Variants in THSD7A observed in about 807,000 individuals in gnomAD.
The protein encoded by THSD7A is thrombospondin type-1 domain-containing protein 7A.
A neutral mutation model predicts 231.3 loss-of-function variants in THSD7A; 96 were observed. The ratio of observed to expected loss-of-function variants is 0.41; its 90% confidence interval spans 0.35 to 0.49. The LOEUF is 0.49. THSD7A is among the 20% of genes least tolerant of loss of function. THSD7A has a pLI of 0.05. For missense variants in THSD7A, 2,290 were observed against 2,070.2 expected (o/e 1.11, Z -2.06); for synonymous variants, 940 against 743.3 (o/e 1.26, Z -4.30).
intron 1 of THSD7A, among the ~76,000 whole-genome samples, chr7:11,740,132 A>G (rs1309578089): frequency 2.0e-5 from 3 of 151,940 alleles, no homozygotes; most frequent in African/African-American, 4.8e-5. Context: ...CAGGGACACT[A>G]GTAAGATCCC....
At position 11,831,861 on chromosome 7, in the gene THSD7A, G is replaced by A. The variant is rs1050662427; in HGVS notation, c.86C>T (p.Pro29Leu). 1.6e-6 allele frequency: 2 copies of A among 1,270,548 alleles called. No homozygotes were observed. Among genetic ancestry groups the A allele is most frequent in the South Asian group, 2.8e-5 (1 of 35,638 alleles). 78.7% of individuals were successfully genotyped at this position (1,270,548 alleles called of 1,614,324 possible). Residue 29 changes from proline to leucine, a missense_variant, in exon 1 of 28, where the codon CCG (proline) becomes CTG (leucine). Coordinates refer to ENST00000423059, the MANE Select transcript of THSD7A (RefSeq NM_015204.3). The surrounding 1 kb of genome is among the most constrained non-coding windows in gnomAD (Gnocchi z 5.0). ...RRGVLQLLPL[P>L]LPLPLLLLLL... ...CAGCAGGAGCAGCGGCAGCGGCAGC[G>A]GCAGCGGCAGCAGCTGCAGGACGCC...
At chr7:11,804,816 G>C (rs921198191) in intron 1 of THSD7A, among the ~76,000 whole-genome samples, 8 of 152,070 alleles carry the variant, frequency 5.3e-5, no homozygotes, top group Admixed American at 3.3e-4. Context: ...CCTCACATCT[G>C]CGGCCTCTCG....
chr7:11,723,120 T>C (rs1415006640), intron 1 of THSD7A, among the ~76,000 whole-genome samples: 1 of 151,978 alleles, frequency 6.6e-6, no homozygotes, highest in Non-Finnish European at 1.5e-5. Context: ...ATGTGGCACA[T>C]ATACACCATG....
At chr7:11,424,869 G>T in intron 15 of THSD7A, 40 bp from the exon 16 acceptor site, 1 of 1,611,940 alleles carries the variant, frequency 6.2e-7, no homozygotes, top group Non-Finnish European at 8.5e-7. Context: ...AGGGAATCTG[G>T]TAAGAGTGAG....
chr7:11,441,111 T>C lies in THSD7A; in HGVS notation c.3064+4950A>G, dbSNP rs1009956237. Among the ~76,000 whole-genome samples the C allele has an allele frequency of 2.6e-5, 4 of 152,082 alleles. No individual in the cohort carries two copies. In the South Asian group the frequency reaches 8.3e-4, roughly 32 times the overall value. On this transcript the variant is annotated intron_variant, in intron 13 of 27. Transcript: ENST00000423059. ...CTCTCCAGCTTTTTATTCATCCATT[T>C]ATTCTACAAATTTTGTGGAACACCT...
intron 22 of THSD7A, among the ~76,000 whole-genome samples, chr7:11,405,407 A>C (rs1783549812): frequency 6.6e-6 from 1 of 152,162 alleles, no homozygotes; most frequent in Non-Finnish European, 1.5e-5. Context: ...AAAGAGATGC[A>C]ATCTTTAAAT....
At position 11,509,715 on chromosome 7, in the gene THSD7A, G is replaced by A. The variant is rs949245025; in HGVS notation, c.1823-27733C>T. Among the ~76,000 whole-genome samples, 18 of 149,828 alleles carry A rather than the reference G, an allele frequency of 1.2e-4. No individual in the cohort carries two copies. The Middle Eastern group carries it at 0.014, about 116-fold the overall frequency. On this transcript the variant is annotated intron_variant, in intron 6 of 27. Transcript: ENST00000423059. ...CGGGTGCCTGTAGTCCCAGCTACTC[G>A]GGAGGCTGAGGCAGGAGAATGGCAT...
chr7:11,437,394 C>G (rs76571001), intron 13 of THSD7A, among the ~76,000 whole-genome samples: 47 of 152,142 alleles, frequency 3.1e-4, no homozygotes, highest in African/African-American at 9.6e-4. Flanking sequence ...TCTTTGTGCC[C>G]AAGTATCCTT....
intron 10 of THSD7A, 107 bp from the exon 11 acceptor site, chr7:11,460,872 T>C (rs912191723): frequency 7.7e-6 from 6 of 778,368 alleles, no homozygotes; most frequent in East Asian, 5.4e-5. Flanking sequence ...AACACAGTTA[T>C]TTAGCAATGC....
intron 1 of THSD7A, among the ~76,000 whole-genome samples, chr7:11,789,763 T>G (rs1463131179): frequency 6.6e-6 from 1 of 152,022 alleles, no homozygotes; most frequent in Non-Finnish European, 1.5e-5. Context: ...AATACCTTTT[T>G]TGTTTTAGAG....
chr7:11,486,453 T>C (rs1786661995), intron 6 of THSD7A, among the ~76,000 whole-genome samples: 1 of 152,180 alleles, frequency 6.6e-6, no homozygotes, highest in African/African-American at 2.4e-5. Flanking sequence ...TTAGGACATA[T>C]TCATCCACCA....
At chr7:11,749,004 G>T (rs1231035487) in intron 1 of THSD7A, among the ~76,000 whole-genome samples, 3 of 151,874 alleles carry the variant, frequency 2.0e-5, no homozygotes, top group Non-Finnish European at 4.4e-5. Flanking sequence ...CTGAGAGAGT[G>T]TCACCCCAAG....
At chr7:11,766,803 C>A (rs948721671) in intron 1 of THSD7A, among the ~76,000 whole-genome samples, 3 of 152,086 alleles carry the variant, frequency 2.0e-5, no homozygotes, top group Admixed American at 2.0e-4. Flanking sequence ...TTAGCCAATG[C>A]AACGAGTGGG....
intron 1 of THSD7A, among the ~76,000 whole-genome samples, chr7:11,759,619 C>A (rs761581458): frequency 2.6e-5 from 4 of 151,812 alleles, no homozygotes; most frequent in Non-Finnish European, 5.9e-5. Context: ...GAAAGCCAAG[C>A]GAATTTCTAG....
intron 1 of THSD7A, among the ~76,000 whole-genome samples, chr7:11,743,011 C>G (rs77408417): frequency 3.3e-5 from 5 of 151,862 alleles, no homozygotes; most frequent in South Asian, 2.1e-4. Context: ...TTGAAGAAAT[C>G]TGCTACTACA....
chr7:11,696,942 T>C (rs182510206), intron 1 of THSD7A, among the ~76,000 whole-genome samples: 129 of 151,532 alleles, frequency 8.5e-4, no homozygotes, highest in Non-Finnish European at 1.6e-3. Flanking sequence ...TAGTTTCAAT[T>C]AGAAGCTCAA....
intron 4 of THSD7A, among the ~76,000 whole-genome samples, chr7:11,570,576 A>C (rs1030156681): frequency 6.6e-6 from 1 of 152,266 alleles, no homozygotes. Flanking sequence ...CATTGTATGC[A>C]TGTATCAAAA....
At chr7:11,753,977 C>A (rs1340850535) in intron 1 of THSD7A, among the ~76,000 whole-genome samples, 1 of 151,796 alleles carries the variant, frequency 6.6e-6, no homozygotes, top group East Asian at 2.0e-4. Context: ...ATGGAAAGGA[C>A]AAAATCTAAT....
intron 1 of THSD7A, among the ~76,000 whole-genome samples, chr7:11,750,657 T>C (rs1414803577): frequency 6.6e-6 from 1 of 151,992 alleles, no homozygotes; most frequent in Non-Finnish European, 1.5e-5. Context: ...CGGGGACTAC[T>C]GGATGGCCTC....
Sources: gnomAD v4.1 joint callset for allele counts (sites outside exome capture counted in the v4.1 genomes callset) on GRCh38, gnomAD v4.1.1 for gene constraint, Gnocchi (gnomAD v3.1) non-coding constraint, MANE v1.5 for transcripts, NCBI Gene and HGNC (gene_info 2026-07-23, HGNC 2026-07-21) for gene names.